The following CLCNKB variants were observed in gnomAD, a reference collection of about 807,000 sequenced individuals.
CLCNKB encodes the protein chloride channel protein ClC-Kb.
Under a neutral mutation model 83.8 loss-of-function variants are expected in CLCNKB, and 74 were observed. That is an observed-to-expected ratio of 0.88 (90% CI 0.73 to 1.07). CLCNKB has a LOEUF of 1.07. CLCNKB is among the 50% of genes least tolerant of loss of function. CLCNKB has a pLI of 0.00. For missense variants in CLCNKB, 798 were observed against 893.6 expected, an observed-to-expected ratio of 0.89 and a Z score of 1.36; for synonymous variants, 358 against 356.6, an observed-to-expected ratio of 1.00 and a Z score of -0.04.
Position 16,050,604 on chromosome 1 carries a change from A to G in CLCNKB, c.1053+4A>G. On this transcript the variant is annotated splice_donor_region_variant and intron_variant, in intron 11 of 19. Coordinates refer to ENST00000375679, the MANE Select transcript of CLCNKB (RefSeq NM_000085.5). ...CGGCCGCTTCCTAGCTTCTCGGGTA[A>G]GGGGCCTTGAGTGGGGTGGCAGGAG... 1.2e-6 allele frequency: 2 copies of G among 1,613,822 alleles called. No individual in the cohort carries two copies. Among genetic ancestry groups the G allele is most frequent in the Non-Finnish European group, 1.7e-6 (2 of 1,179,846 alleles).
At position 16,055,759 on chromosome 1, in the gene CLCNKB, G is replaced by A. The variant is rs1191726071; in HGVS notation, c.1929+1G>A. On this transcript the variant is annotated splice_donor_variant, in intron 18 of 19. Transcript: ENST00000375679. LOFTEE classifies it high-confidence loss of function. Reference sequence around the variant, plus strand: ...GTCCCCAGAGACTTCCCTGCATGAGGTAACGGGGAGAACTGGGGAGTGTGA... The same window carrying A: ...GTCCCCAGAGACTTCCCTGCATGAGATAACGGGGAGAACTGGGGAGTGTGA... 15 of 1,613,384 alleles carry A rather than the reference G, an allele frequency of 9.3e-6. No homozygotes were observed. The highest frequency in any genetic ancestry group is 2.2e-5 in the East Asian group (1 of 44,898).
chr1:16,049,048 C>A, intron 7 of CLCNKB, 72 bp from the exon 8 acceptor site: 1 of 1,612,560 alleles, frequency 6.2e-7, no homozygotes, highest in Non-Finnish European at 8.5e-7. Context: ...GAGGAGGTGA[C>A]ATGGGGAGGG....
rs35255601 is a variant in CLCNKB at position 16,055,578 on chromosome 1, G to A, written c.1845+55G>A. The A allele has an allele frequency of 1.2e-3, 1,796 of 1,550,180 alleles. 23 individuals are homozygous for A. The African/African-American group carries it at 0.021, about 18-fold the overall frequency. On this transcript the variant is annotated intron_variant, in intron 17 of 19. Coordinates refer to ENST00000375679, the MANE Select transcript of CLCNKB (RefSeq NM_000085.5). ...GGCGGGGGTGGGTCAGCAGGAATGG[G>A]AGGAGAGGGGCCCGCTGATATCCTG... is the stretch of plus-strand genomic sequence containing the variant.
rs758476726 is a variant in CLCNKB at position 16,052,276 on chromosome 1, T to C, written c.1487T>C (p.Val496Ala). Residue 496 changes from valine to alanine, a missense_variant, in exon 15 of 20, where the codon GTG becomes GCG. Val to Ala is a moderately conservative substitution (Grantham distance 64, BLOSUM62 0). Transcript: ENST00000375679. ...GCCTTCGAGGTGACCGGCCAGATAG[T>C]GCATGCACTGCCCGTGCTGATGGCG... ...LLAFEVTGQI[V>A]HALPVLMAVL... 6 of 1,613,218 alleles carry C rather than the reference T, an allele frequency of 3.7e-6. No individual in the cohort carries two copies. In the Admixed American group the frequency reaches 1.0e-4, roughly 27 times the overall value.
rs763898988 is a variant in CLCNKB, at chr1:16,048,519, A to G, written c.592A>G (p.Asn198Asp). The stretch of plus-strand genomic sequence containing the variant: ...GATCCCCCAGAACAAGAGCAAGCAA[A>G]ACGAAATGCTGGTGGCAGCGGCGGC... ...IGEPENKSKQ[N>D]EMLVAAAAVG... The change falls in exon 7 of 20, where the codon AAC (asparagine) becomes GAC (aspartate). Residue 198 changes from asparagine to aspartate, a missense_variant. Physicochemically the swap from Asn to Asp is conservative, Grantham distance 23 (BLOSUM62 1). Transcript: ENST00000375679. The G allele has an allele frequency of 2.5e-6, 4 of 1,613,262 alleles. No individual in the cohort carries two copies. In the East Asian group the frequency reaches 8.9e-5, roughly 36 times the overall value.
At chr1:16,055,896 G>A (rs2124113744) in intron 18 of CLCNKB, 138 bp downstream of exon 18, 2 of 795,170 alleles carry the variant, frequency 2.5e-6, no homozygotes, top group Non-Finnish European at 4.3e-6. Flanking sequence ...CTGGGCCAGT[G>A]TCCTCATCAG....
chr1:16,055,727 T>A lies in CLCNKB; in HGVS notation c.1898T>A (p.Leu633Gln). 6.2e-7 allele frequency: 1 copy of A among 1,613,882 alleles called. No homozygotes were observed. The highest frequency in any genetic ancestry group is 8.5e-7 in the Non-Finnish European group (1 of 1,180,002). The change falls in exon 18 of 20, where the codon CTG becomes CAG. Residue 633 changes from leucine (L) to glutamine (Q), a missense_variant. By Grantham distance (113) the Leu-to-Gln change is moderately radical (BLOSUM62 -2). Coordinates refer to ENST00000375679, the MANE Select transcript of CLCNKB (RefSeq NM_000085.5). ...GGCTGCCCCACAGAACCAGTGACCC[T>A]GAAGCTGTCCCCAGAGACTTCCCTG... ...AAGCPTEPVT[L>Q]KLSPETSLHE...
At position 16,049,603 on chromosome 1, in the gene CLCNKB, G is replaced by A. The variant is rs1274541992; in HGVS notation, c.782-15G>A. On this transcript the variant is annotated splice_polypyrimidine_tract_variant and intron_variant, in intron 8 of 19. Coordinates refer to ENST00000375679, the MANE Select transcript of CLCNKB (RefSeq NM_000085.5). ...GGGAGCGCCATCTTGGCTCCCCACTGCCCTCCTTCCCCAGAGACCATCACC... is the reference window on the plus strand; with the variant it reads ...GGGAGCGCCATCTTGGCTCCCCACTACCCTCCTTCCCCAGAGACCATCACC... 1 of 1,586,370 alleles carries A rather than the reference G, an allele frequency of 6.3e-7. No individual in the cohort carries two copies. The highest frequency in any genetic ancestry group is 1.8e-5 in the Admixed American group (1 of 57,022).
chr1:16,047,629 C>T (rs907709369), intron 4 of CLCNKB, among the ~76,000 whole-genome samples: 6 of 152,020 alleles, frequency 3.9e-5, no homozygotes, highest in African/African-American at 1.2e-4. Flanking sequence ...ATAAGGTGGG[C>T]GAAGTGGTCT....
At chr1:16,055,789 T>G in intron 18 of CLCNKB, 31 bp downstream of exon 18, 1 of 1,598,946 alleles carries the variant, frequency 6.3e-7, no homozygotes, top group Non-Finnish European at 8.6e-7. Context: ...GTGTGACACA[T>G]GAGGCCTCTG....
chr1:16,052,356 A>T lies in CLCNKB; in HGVS notation c.1567A>T (p.Thr523Ser), dbSNP rs1259527159. The T allele has an allele frequency of 6.2e-7, 1 of 1,613,134 alleles. No homozygotes were observed. The highest frequency in any genetic ancestry group is 1.7e-5 in the Admixed American group (1 of 60,034). The change falls in exon 15 of 20, where the codon ACC (threonine) becomes TCC (serine). Residue 523 changes from threonine (T) to serine (S), a missense_variant. By Grantham distance (58) the Thr-to-Ser change is moderately conservative (BLOSUM62 1). Coordinates refer to ENST00000375679, the MANE Select transcript of CLCNKB (RefSeq NM_000085.5). ...QSCQPSFYDGTVIVKKLPYLP... is the reference protein window; with the variant it reads ...QSCQPSFYDGSVIVKKLPYLP... Reference sequence around the variant, plus strand: ...CTGCCAGCCCTCCTTCTATGATGGCACCGTCATTGTCAAGAAGCTGCCATA... The same window carrying T: ...CTGCCAGCCCTCCTTCTATGATGGCTCCGTCATTGTCAAGAAGCTGCCATA...
Position 16,051,427 on chromosome 1 carries a change from C to T in CLCNKB, c.1228-51C>T, listed in dbSNP as rs758075312. 2.5e-5 allele frequency: 40 copies of T among 1,599,726 alleles called. 2 individuals carry two copies. Among genetic ancestry groups the T allele is most frequent in the Admixed American group, 1.7e-4 (10 of 59,982 alleles). On this transcript the variant is annotated intron_variant, in intron 12 of 19. Coordinates refer to ENST00000375679, the MANE Select transcript of CLCNKB (RefSeq NM_000085.5). ...CCCATGTCCTGTCCTCCCTTGTCCA[C>T]GCCTTGCCCAGCAGCCTCTAACCTC...
chr1:16,054,992 G>T (rs925474063), intron 16 of CLCNKB, among the ~76,000 whole-genome samples: 2 of 152,196 alleles, frequency 1.3e-5, no homozygotes, highest in African/African-American at 4.8e-5. Flanking sequence ...AGTTGCCAAG[G>T]CCCCAGCACA....
At chr1:16,046,899 C>G (rs1431418337) in intron 4 of CLCNKB, among the ~76,000 whole-genome samples, 4 of 152,202 alleles carry the variant, frequency 2.6e-5, no homozygotes, top group Non-Finnish European at 4.4e-5. Context: ...GGATCTTCTG[C>G]GAAGCCTGTT....
chr1:16,051,485 T>A lies in CLCNKB; in HGVS notation c.1235T>A (p.Met412Lys). 6 of 1,614,170 alleles carry A rather than the reference T, an allele frequency of 3.7e-6. No homozygotes were observed. Among genetic ancestry groups the A allele is most frequent in the Non-Finnish European group, 5.1e-6 (6 of 1,180,004 alleles). Reference sequence around the variant, plus strand: ...GGCTCCCCACTCCCACAGTTCTGGATGCTGATTCTGGCCACCACCATCCCC... The same window carrying A: ...GGCTCCCCACTCCCACAGTTCTGGAAGCTGATTCTGGCCACCACCATCCCC... The part of the protein sequence containing the change: ...LAFFLVMKFW[M>K]LILATTIPMP... Residue 412 changes from methionine to lysine, a missense_variant, in exon 13 of 20, where the codon ATG becomes AAG. Coordinates refer to ENST00000375679, the MANE Select transcript of CLCNKB (RefSeq NM_000085.5).
chr1:16,051,639 C>T (rs745503758), intron 13 of CLCNKB, 71 bp from the exon 14 acceptor site: 313 of 1,599,922 alleles, frequency 2.0e-4, no homozygotes, highest in Non-Finnish European at 2.4e-4. Context: ...GTACTGAGGA[C>T]GGTCCTCAGG....
chr1:16,049,381 CCTTCTGGGAGGATGGAGGGGG>C (rs2023209119), intron 8 of CLCNKB, 136 bp downstream of exon 8: 2 of 1,527,878 alleles, frequency 1.3e-6, no homozygotes, highest in East Asian at 4.7e-5. Context: ...GTTCCCACCT[CCTTCTGGGAGGATGGAGGGGG>C]CTGACCTGTG....
intron 4 of CLCNKB, among the ~76,000 whole-genome samples, 175 bp from the exon 5 acceptor site, chr1:16,047,730 C>A (rs1248302447): frequency 2.6e-5 from 4 of 152,178 alleles, no homozygotes; most frequent in Non-Finnish European, 5.9e-5. Context: ...GATCCTACCA[C>A]TGTACTCCAG....
chr1:16,056,379 G>A (rs1488139213), intron 18 of CLCNKB, 43 bp from the exon 19 acceptor site: 2 of 1,593,686 alleles, frequency 1.3e-6, no homozygotes, highest in Non-Finnish European at 1.7e-6. Context: ...GGGTGGGCTG[G>A]GCACCTTCTA....
Sources: allele counts gnomAD v4.1 joint callset (sites outside exome capture counted in the v4.1 genomes callset), GRCh38; gene constraint gnomAD v4.1.1; transcripts MANE v1.5; gene names NCBI Gene and HGNC (gene_info 2026-07-23, HGNC 2026-07-21).